The following AGBL4 variants were observed in gnomAD, a reference collection of about 807,000 sequenced individuals.
AGBL4 encodes the protein AGBL carboxypeptidase 4.
Under a neutral mutation model 66.4 loss-of-function variants are expected in AGBL4, and 58 were observed. That is an observed-to-expected ratio of 0.87 (90% CI 0.71 to 1.09). AGBL4 has a LOEUF of 1.09. Ranked by LOEUF, AGBL4 falls within the 50% of genes least tolerant of loss-of-function variation. The pLI is 0.00. For missense variants in AGBL4, 579 were observed against 631.0 expected (o/e 0.92, Z 0.88); for synonymous variants, 234 against 222.9 (o/e 1.05, Z -0.44).
intron 1 of AGBL4, among the ~76,000 whole-genome samples, chr1:49,911,863 A>G (rs1399580466): frequency 1.3e-5 from 2 of 152,228 alleles, no homozygotes. Context: ...TGGTCTTGGC[A>G]GTGAATCTTA....
chr1:49,461,839 C>G (rs959566274), intron 3 of AGBL4, among the ~76,000 whole-genome samples: 1 of 151,602 alleles, frequency 6.6e-6, no homozygotes, highest in Non-Finnish European at 1.5e-5. Flanking sequence ...ATTATGTATA[C>G]GTGTCACATT....
At chr1:49,755,226 G>C (rs1348519804) in intron 2 of AGBL4, among the ~76,000 whole-genome samples, 4 of 152,060 alleles carry the variant, frequency 2.6e-5, no homozygotes, top group Non-Finnish European at 5.9e-5. Flanking sequence ...AGAGTAGTCT[G>C]TTTTTCATTT....
intron 2 of AGBL4, among the ~76,000 whole-genome samples, chr1:49,782,252 TATTAAA>T (rs1644354393): frequency 6.6e-6 from 1 of 151,876 alleles, no homozygotes; most frequent in African/African-American, 2.4e-5. Flanking sequence ...AGACACAAAC[TATTAAA>T]ATTAAGAATA....
In AGBL4 at chr1:49,950,053, TATATATACACAC is replaced by T. The variant is rs1376726031; in HGVS notation, c.34+73698_34+73709del. Among the ~76,000 whole-genome samples the T allele has an allele frequency of 8.0e-4, 115 of 143,156 alleles. 1 individual carries two copies. The highest frequency in any genetic ancestry group is 2.8e-3 in the African/African-American group (110 of 39,464). The allele number at this position is 143,156 out of a possible 152,430, so 93.9% of individuals were successfully genotyped here. On this transcript the variant is annotated intron_variant, in intron 1 of 13. Coordinates refer to ENST00000371839, the MANE Select transcript of AGBL4 (RefSeq NM_032785.4). ...GTGTGTATATATATACACATATGTG[TATATATACACAC>T]ATATATATACACATATGTGTATATA... is the stretch of plus-strand genomic sequence containing the variant.
At chr1:48,739,634 T>C (rs1359347565) in intron 6 of AGBL4, among the ~76,000 whole-genome samples, 1 of 152,186 alleles carries the variant, frequency 6.6e-6, no homozygotes, top group Non-Finnish European at 1.5e-5. Context: ...TCCTGAGCCT[T>C]ACTTTTCTCA....
At chr1:49,993,806 G>A (rs887384012) in intron 1 of AGBL4, among the ~76,000 whole-genome samples, 1 of 140,098 alleles carries the variant, frequency 7.1e-6, no homozygotes, top group Non-Finnish European at 1.6e-5. Context: ...ACTACAACTG[G>A]CCCACAATAA....
At chr1:49,798,881 TAA>T (rs905072496) in intron 2 of AGBL4, among the ~76,000 whole-genome samples, 1 of 152,182 alleles carries the variant, frequency 6.6e-6, no homozygotes, top group African/African-American at 2.4e-5. Context: ...CCAGCATAGT[TAA>T]GTGTTTGGTT....
At chr1:50,007,749 G>C (rs1404631256) in intron 1 of AGBL4, among the ~76,000 whole-genome samples, 2 of 152,096 alleles carry the variant, frequency 1.3e-5, no homozygotes, top group Non-Finnish European at 2.9e-5. Flanking sequence ...CTAGGTGACA[G>C]AGTGAGACCC....
intron 5 of AGBL4, among the ~76,000 whole-genome samples, chr1:48,906,458 C>A (rs1481093775): frequency 3.3e-5 from 5 of 151,908 alleles, no homozygotes; most frequent in Non-Finnish European, 7.4e-5. Flanking sequence ...GAGGGAGGGG[C>A]AGTAAGTTTT....
intron 3 of AGBL4, among the ~76,000 whole-genome samples, chr1:49,250,609 A>G (rs1462626993): frequency 1.3e-5 from 2 of 151,754 alleles, no homozygotes; most frequent in Admixed American, 6.6e-5. Flanking sequence ...ATGCTTGGCT[A>G]ATTTTTGTAC....
intron 5 of AGBL4, among the ~76,000 whole-genome samples, chr1:48,972,587 A>G (rs1658996426): frequency 1.3e-5 from 2 of 152,294 alleles, no homozygotes; most frequent in African/African-American, 4.8e-5. Flanking sequence ...ACTTTCTTAC[A>G]GCGTAGCTAG....
At chr1:49,327,995 A>G (rs1348112026) in intron 3 of AGBL4, among the ~76,000 whole-genome samples, 1 of 152,190 alleles carries the variant, frequency 6.6e-6, no homozygotes, top group East Asian at 1.9e-4. Flanking sequence ...GTTTTGAAAA[A>G]GGAGACAAAT....
chr1:48,951,313 C>T (rs539900945), intron 5 of AGBL4, among the ~76,000 whole-genome samples: 2 of 151,844 alleles, frequency 1.3e-5, no homozygotes, highest in African/African-American at 4.9e-5. Context: ...TGTGACTACA[C>T]TAATCACATG....
intron 5 of AGBL4, among the ~76,000 whole-genome samples, chr1:49,017,534 A>C (rs1662910107): frequency 6.6e-6 from 1 of 152,168 alleles, no homozygotes; most frequent in Non-Finnish European, 1.5e-5. Flanking sequence ...GCCCCTGAAT[A>C]CATGCAAAAG....
intron 6 of AGBL4, among the ~76,000 whole-genome samples, chr1:48,696,713 T>C (rs1211323968): frequency 6.6e-6 from 1 of 152,164 alleles, no homozygotes; most frequent in Non-Finnish European, 1.5e-5. Context: ...TGTTGGGAGA[T>C]CAGGCATCAC....
chr1:49,984,575 C>T (rs1370577648), intron 1 of AGBL4, among the ~76,000 whole-genome samples: 3 of 152,178 alleles, frequency 2.0e-5, no homozygotes, highest in Non-Finnish European at 4.4e-5. Flanking sequence ...CACCCCAAAA[C>T]CCCTCCTGCT....
intron 1 of AGBL4, among the ~76,000 whole-genome samples, chr1:49,979,790 T>C (rs181322186): frequency 6.6e-6 from 1 of 152,154 alleles, no homozygotes; most frequent in African/African-American, 2.4e-5. Flanking sequence ...ACAGGACCCA[T>C]GTGGAATGCC....
At chr1:49,799,811 T>C (rs932292859) in intron 2 of AGBL4, among the ~76,000 whole-genome samples, 1 of 152,080 alleles carries the variant, frequency 6.6e-6, no homozygotes, top group African/African-American at 2.4e-5. Context: ...CTCCTTGAGT[T>C]TCTAGTACTT....
intron 4 of AGBL4, among the ~76,000 whole-genome samples, chr1:49,176,924 C>T (rs1180530405): frequency 6.6e-6 from 1 of 152,064 alleles, no homozygotes; most frequent in African/African-American, 2.4e-5. Flanking sequence ...TCATGATGTG[C>T]TCCCATATTA....
Sources: gnomAD v4.1 joint callset for allele counts (sites outside exome capture counted in the v4.1 genomes callset) on GRCh38, gnomAD v4.1.1 for gene constraint, MANE v1.5 for transcripts, NCBI Gene and HGNC (gene_info 2026-07-23, HGNC 2026-07-21) for gene names.